SLX4IP: variants seen among roughly 807,000 people sequenced by gnomAD.
SLX4IP encodes the protein protein SLX4IP.
Under a neutral mutation model 32.9 loss-of-function variants are expected in SLX4IP, and 34 were observed. That is an observed-to-expected ratio of 1.03 (90% CI 0.79 to 1.38). The LOEUF (loss-of-function observed/expected upper bound fraction) is 1.38. SLX4IP is among the 40% of genes most tolerant of loss of function. SLX4IP has a pLI of 0.00. For missense variants in SLX4IP, 444 were observed against 479.0 expected (o/e 0.93, Z 0.68); for synonymous variants, 172 against 171.7 (o/e 1.00, Z -0.01).
At position 10,623,435 on chromosome 20, in the gene SLX4IP, A is replaced by G. The variant is rs1355425486; in HGVS notation, c.*56A>G. 4 of 1,538,076 alleles carry G rather than the reference A, an allele frequency of 2.6e-6. No homozygotes were observed. The African/African-American group carries it at 5.6e-5, about 21-fold the overall frequency. On this transcript the variant is annotated 3_prime_UTR_variant, in exon 8 of 8. Coordinates refer to ENST00000334534, the MANE Select transcript of SLX4IP (RefSeq NM_001009608.3). ...GGACATAGTGGCCAAACCTGTGACA[A>G]GAGAGCTGCGAATATAGATGCCGGG... is the stretch of plus-strand genomic sequence containing the variant.
At chr20:10,530,015 C>T (rs966670021) in intron 2 of SLX4IP, among the ~76,000 whole-genome samples, 1 of 152,098 alleles carries the variant, frequency 6.6e-6, no homozygotes, top group Non-Finnish European at 1.5e-5. Context: ...TCTCAACTGC[C>T]GAGCCAGCAC....
chr20:10,580,599 T>G lies in SLX4IP; in HGVS notation c.239-18076T>G, dbSNP rs377632449. On this transcript the variant is annotated intron_variant, in intron 4 of 7. Transcript: ENST00000334534. Reference sequence around the variant, plus strand: ...TACCTTTAACTCCTCTGTCTCTCCCTCTGCCCTCAGTTGAGTCCCTCAGGA... The same window carrying G: ...TACCTTTAACTCCTCTGTCTCTCCCGCTGCCCTCAGTTGAGTCCCTCAGGA... Among the ~76,000 whole-genome samples the G allele has an allele frequency of 3.4e-4, 52 of 150,928 alleles. 1 individual carries two copies. The South Asian group carries it at 9.0e-3, about 26-fold the overall frequency.
chr20:10,436,580 TC>T (rs1392324680), intron 1 of SLX4IP, among the ~76,000 whole-genome samples: 1 of 152,192 alleles, frequency 6.6e-6, no homozygotes, highest in East Asian at 1.9e-4. Flanking sequence ...GTTCTCGAAC[TC>T]CTGACCTCAG....
intron 2 of SLX4IP, among the ~76,000 whole-genome samples, chr20:10,473,623 G>A (rs2065446438): frequency 6.9e-6 from 1 of 144,214 alleles, no homozygotes; most frequent in South Asian, 2.2e-4. Flanking sequence ...TTTTTTTTGA[G>A]ACAGAGTCTC....
chr20:10,556,844 C>T (rs572810624), intron 3 of SLX4IP, among the ~76,000 whole-genome samples: 1 of 152,180 alleles, frequency 6.6e-6, no homozygotes, highest in Non-Finnish European at 1.5e-5. Context: ...AGCCAGTAGC[C>T]GGGGGCTTAG....
intron 3 of SLX4IP, among the ~76,000 whole-genome samples, chr20:10,559,921 G>T (rs994774503): frequency 6.6e-6 from 1 of 152,178 alleles, no homozygotes; most frequent in South Asian, 2.1e-4. Context: ...AAGAAAATAG[G>T]ATTAGTGATT....
intron 4 of SLX4IP, among the ~76,000 whole-genome samples, chr20:10,578,088 T>C (rs2122522257): frequency 6.6e-6 from 1 of 152,336 alleles, no homozygotes; most frequent in South Asian, 2.1e-4. Context: ...TATTGAGATA[T>C]AATTCATATA....
chr20:10,572,981 G>T (rs549216895), intron 4 of SLX4IP, among the ~76,000 whole-genome samples: 1 of 152,304 alleles, frequency 6.6e-6, no homozygotes, highest in South Asian at 2.1e-4. Flanking sequence ...GACAAGAATT[G>T]CCAAAACAAG....
intron 2 of SLX4IP, among the ~76,000 whole-genome samples, chr20:10,472,730 C>A (rs2065436312): frequency 1.3e-5 from 2 of 152,186 alleles, no homozygotes; most frequent in Admixed American, 1.3e-4. Flanking sequence ...TTAATGTTAA[C>A]TCACTTCTAT....
chr20:10,518,400 T>TTCCTTCC (rs2065869116), intron 2 of SLX4IP, among the ~76,000 whole-genome samples: 2 of 108,550 alleles, frequency 1.8e-5, no homozygotes, highest in East Asian at 5.1e-4. Flanking sequence ...CCTTTCTTTC[T>TTCCTTCC]TTCTTTCCTT....
intron 4 of SLX4IP, among the ~76,000 whole-genome samples, chr20:10,590,108 T>TA (rs1241563729): frequency 6.6e-6 from 1 of 152,176 alleles, no homozygotes; most frequent in Non-Finnish European, 1.5e-5. Flanking sequence ...ACATATTTGT[T>TA]AAACAAATAA....
intron 1 of SLX4IP, among the ~76,000 whole-genome samples, chr20:10,439,499 G>A (rs928263354): frequency 6.6e-6 from 1 of 152,142 alleles, no homozygotes; most frequent in Non-Finnish European, 1.5e-5. Flanking sequence ...TGTGAGCCAC[G>A]GGGGCTGGCC....
chr20:10,602,285 C>CCTCTCTCT (rs141021766), intron 6 of SLX4IP, among the ~76,000 whole-genome samples: 1 of 147,508 alleles, frequency 6.8e-6, no homozygotes, highest in African/African-American at 2.5e-5. Flanking sequence ...TCATTTTCTC[C>CCTCTCTCT]CTCTCTCTCT....
chr20:10,518,544 TCC>T (rs1180371059), intron 2 of SLX4IP, among the ~76,000 whole-genome samples: 9,629 of 90,848 alleles, frequency 0.11, 949 homozygotes, highest in South Asian at 0.16. Flanking sequence ...CTTCCTTCCT[TCC>T]TTCCTTTCCT....
chr20:10,457,923 C>T (rs891786018), intron 1 of SLX4IP, among the ~76,000 whole-genome samples: 1 of 151,772 alleles, frequency 6.6e-6, no homozygotes, highest in African/African-American at 2.4e-5. Flanking sequence ...AGTGAGTCTC[C>T]CACTTTGGCC....
chr20:10,459,132 T>C (rs775242604), intron 2 of SLX4IP, among the ~76,000 whole-genome samples: 1 of 152,252 alleles, frequency 6.6e-6, no homozygotes, highest in Non-Finnish European at 1.5e-5. Context: ...CTTTTTTTCA[T>C]ATATTTGCTG....
chr20:10,627,139 G>A lies in SLX4IP; in HGVS notation c.*3760G>A, dbSNP rs1332582208. ...AATATTACACAAAACTGTAATGAGT[G>A]GCCCTCCTTTGGAGGTAACAGATGC... On this transcript the variant is annotated 3_prime_UTR_variant, in exon 8 of 8. Transcript: ENST00000334534. 6.6e-6 allele frequency: 1 copy of A among 152,166 alleles called. No individual in the cohort carries two copies. The highest frequency in any genetic ancestry group is 2.4e-5 in the African/African-American group (1 of 41,434). The allele number at this position is 152,166 out of a possible 1,614,324, so 9.4% of individuals were successfully genotyped here.
intron 2 of SLX4IP, among the ~76,000 whole-genome samples, chr20:10,528,609 G>A (rs911646093): frequency 1.3e-5 from 2 of 152,096 alleles, no homozygotes; most frequent in African/African-American, 4.8e-5. Context: ...GGAATGTGTT[G>A]TCATTATATC....
chr20:10,558,009 T>C lies in SLX4IP; in HGVS notation c.117+1689T>C, dbSNP rs145475838. ...GCTGAGCTTGCCTCTCAAAACCAAA[T>C]GGTCGGTTTGCTGCTGCTTCTTTAA... On this transcript the variant is annotated intron_variant, in intron 3 of 7. Coordinates refer to ENST00000334534, the MANE Select transcript of SLX4IP (RefSeq NM_001009608.3). Among the ~76,000 whole-genome samples the C allele has an allele frequency of 1.4e-3, 219 of 152,256 alleles. 6 individuals carry two copies. The Middle Eastern group carries it at 0.021, about 14-fold the overall frequency.
Sources: allele counts gnomAD v4.1 joint callset (sites outside exome capture counted in the v4.1 genomes callset), GRCh38; gene constraint gnomAD v4.1.1; transcripts MANE v1.5; gene names NCBI Gene and HGNC (gene_info 2026-07-23, HGNC 2026-07-21).